Variants in HMGCLL1 observed in about 807,000 individuals in gnomAD.
HMGCLL1 encodes 3-hydroxymethyl-3-methylglutaryl-CoA lyase, cytoplasmic.
In HMGCLL1, 36 loss-of-function variants were observed where a neutral mutation model predicts 39.1. The observed-to-expected ratio is 0.92, with a 90% CI of 0.71 to 1.22. The LOEUF is 1.22. HMGCLL1 is among the 50% of genes most tolerant of loss of function. The pLI is 0.00. For missense variants in HMGCLL1, 451 were observed against 416.5 expected, an observed-to-expected ratio of 1.08 and a Z score of -0.72; for synonymous variants, 149 against 144.0, an observed-to-expected ratio of 1.03 and a Z score of -0.25.
At chr6:55,476,283 T>C (rs1260156075) in intron 7 of HMGCLL1, among the ~76,000 whole-genome samples, 2 of 151,670 alleles carry the variant, frequency 1.3e-5, no homozygotes, top group Non-Finnish European at 3.0e-5. Context: ...TAATATAACA[T>C]GTCTGTTGTT....
At chr6:55,676,318 T>C in the HMGCLL1 span, among the ~76,000 whole-genome samples, 2 of 152,142 alleles carry the variant, frequency 1.3e-5, no homozygotes, top group African/African-American at 4.8e-5. Flanking sequence ...GAGACAAGTA[T>C]AGCAAATTTT....
At chr6:55,657,275 C>A in the HMGCLL1 span, among the ~76,000 whole-genome samples, 1 of 151,892 alleles carries the variant, frequency 6.6e-6, no homozygotes, top group Non-Finnish European at 1.5e-5. Flanking sequence ...AAACTTTGCC[C>A]ATGCCTATGT....
chr6:55,496,534 T>C (rs1377630702), intron 6 of HMGCLL1, among the ~76,000 whole-genome samples: 4 of 152,196 alleles, frequency 2.6e-5, no homozygotes, highest in Admixed American at 6.5e-5. Flanking sequence ...TAATCATCTC[T>C]GTATGAACAG....
chr6:55,513,010 GAGGCAACTATTGGTCCTGGAAGCAGACA>G (rs1767542482), intron 5 of HMGCLL1: 1 of 152,048 alleles, frequency 6.6e-6, no homozygotes, highest in African/African-American at 2.4e-5. Flanking sequence ...TATAATACTT[GAGGCAACTATTGGTCCTGGAAGCAGACA>G]AGCACCAAGG....
chr6:55,588,355 T>A, the HMGCLL1 span, among the ~76,000 whole-genome samples: 12 of 151,106 alleles, frequency 7.9e-5, no homozygotes, highest in African/African-American at 1.9e-4. Context: ...TTTGAAACCA[T>A]CGAGAAAAAA....
At chr6:55,530,613 CA>C in intron 3 of HMGCLL1, among the ~76,000 whole-genome samples, 1 of 151,928 alleles carries the variant, frequency 6.6e-6, no homozygotes, top group East Asian at 1.9e-4. Context: ...TTTCTTTTAT[CA>C]AATGTAAAAC....
the HMGCLL1 span, among the ~76,000 whole-genome samples, chr6:55,614,046 T>C: frequency 3.9e-5 from 6 of 152,194 alleles, no homozygotes; most frequent in Non-Finnish European, 5.9e-5. Context: ...AATTTTAATG[T>C]CATTTTTTCT....
At chr6:55,444,133 A>G (rs540539622) in intron 7 of HMGCLL1, among the ~76,000 whole-genome samples, 14 of 152,234 alleles carry the variant, frequency 9.2e-5, no homozygotes, top group African/African-American at 1.4e-4. Flanking sequence ...ATAAATATCA[A>G]TGACAAAGGG....
the HMGCLL1 span, among the ~76,000 whole-genome samples, chr6:55,603,754 A>G: frequency 6.6e-6 from 1 of 152,282 alleles, no homozygotes; most frequent in East Asian, 1.9e-4. Flanking sequence ...TGAAAAAACC[A>G]AAGTTATATA....
At chr6:55,470,511 G>T (rs1033061544) in intron 7 of HMGCLL1, among the ~76,000 whole-genome samples, 5 of 151,668 alleles carry the variant, frequency 3.3e-5, no homozygotes, top group African/African-American at 1.2e-4. Context: ...TCCCAAAATG[G>T]TTACATTGAC....
intron 5 of HMGCLL1, 86 bp downstream of exon 5, chr6:55,513,962 A>C: frequency 8.8e-7 from 1 of 1,139,222 alleles, no homozygotes; most frequent in Non-Finnish European, 1.3e-6. Context: ...TATTTTTATA[A>C]ATGATATAAG....
At chr6:55,586,299 G>A in the HMGCLL1 span, among the ~76,000 whole-genome samples, 1 of 151,968 alleles carries the variant, frequency 6.6e-6, no homozygotes, top group Non-Finnish European at 1.5e-5. Context: ...TGGGTAGACA[G>A]AGCCTATCAT....
At chr6:55,639,747 T>C in the HMGCLL1 span, among the ~76,000 whole-genome samples, 1 of 152,018 alleles carries the variant, frequency 6.6e-6, no homozygotes, top group Non-Finnish European at 1.5e-5. Context: ...AAAAGAAGGA[T>C]AATGACAATG....
chr6:55,576,985 T>G, intron 1 of HMGCLL1: 1 of 1,535,014 alleles, frequency 6.5e-7, no homozygotes, highest in Non-Finnish European at 8.9e-7. Context: ...AAAACACTGG[T>G]ACACAAACAG....
At chr6:55,606,148 A>G in the HMGCLL1 span, among the ~76,000 whole-genome samples, 1 of 152,176 alleles carries the variant, frequency 6.6e-6, no homozygotes, top group Non-Finnish European at 1.5e-5. Context: ...GAGCTAAGAA[A>G]TGAGTAAGGG....
the HMGCLL1 span, among the ~76,000 whole-genome samples, chr6:55,617,149 A>C: frequency 6.6e-6 from 1 of 152,038 alleles, no homozygotes; most frequent in African/African-American, 2.4e-5. Context: ...CACAAAAAAA[A>C]CCCTAAAGTT....
chr6:55,539,188 A>G (rs765416760), intron 3 of HMGCLL1, among the ~76,000 whole-genome samples: 1 of 152,146 alleles, frequency 6.6e-6, no homozygotes. Flanking sequence ...ACTAAGAAGG[A>G]AAAAACGTGG....
intron 7 of HMGCLL1, among the ~76,000 whole-genome samples, chr6:55,474,603 T>G (rs1048551545): frequency 2.0e-5 from 3 of 151,602 alleles, no homozygotes; most frequent in Admixed American, 6.6e-5. Flanking sequence ...CATTCCAATA[T>G]CTGTGTCATA....
the HMGCLL1 span, among the ~76,000 whole-genome samples, chr6:55,663,682 A>C: frequency 6.6e-6 from 1 of 151,824 alleles, no homozygotes; most frequent in South Asian, 2.1e-4. Flanking sequence ...GGAGAGGTCT[A>C]TCAGATCCAT....
Sources: allele counts gnomAD v4.1 joint callset (sites outside exome capture counted in the v4.1 genomes callset), GRCh38; gene constraint gnomAD v4.1.1; transcripts MANE v1.5; gene names NCBI Gene and HGNC (gene_info 2026-07-23, HGNC 2026-07-21).